The following ANKS1B variants were observed in gnomAD, a reference collection of about 807,000 sequenced individuals.
ANKS1B encodes ankyrin repeat and sterile alpha motif domain-containing protein 1B.
Under a neutral mutation model 148.3 loss-of-function variants are expected in ANKS1B, and 36 were observed. That is an observed-to-expected ratio of 0.24 (90% CI 0.19 to 0.32). The LOEUF is 0.32. ANKS1B is among the 10% of genes least tolerant of loss of function. ANKS1B has a pLI of 1.00. For missense variants in ANKS1B, 1,157 were observed against 1,542.6 expected, an observed-to-expected ratio of 0.75 and a Z score of 4.19; for synonymous variants, 542 against 560.8, an observed-to-expected ratio of 0.97 and a Z score of 0.47.
intron 10 of ANKS1B, among the ~76,000 whole-genome samples, chr12:99,479,001 T>A (rs2096369410): frequency 6.6e-6 from 1 of 151,978 alleles, no homozygotes; most frequent in Non-Finnish European, 1.5e-5. Context: ...AAAACAAAAA[T>A]TACTAATAAA....
chr12:99,232,200 C>T (rs1029009381), intron 14 of ANKS1B, among the ~76,000 whole-genome samples: 2 of 152,076 alleles, frequency 1.3e-5, no homozygotes, highest in Admixed American at 6.6e-5. Context: ...AATAAAATTC[C>T]TTAGGAATTA....
At chr12:99,489,925 AT>A (rs1407822670) in intron 10 of ANKS1B, among the ~76,000 whole-genome samples, 4 of 152,216 alleles carry the variant, frequency 2.6e-5, no homozygotes, top group Admixed American at 6.5e-5. Context: ...TTTTCTCTGG[AT>A]TCTGCATATA....
At chr12:99,693,842 G>A (rs985853985) in intron 8 of ANKS1B, among the ~76,000 whole-genome samples, 19 of 148,878 alleles carry the variant, frequency 1.3e-4, no homozygotes, top group Admixed American at 8.7e-4. Context: ...GTGCAGTGGC[G>A]CGATCTCAGC....
chr12:99,371,579 CAT>C (rs1251217762), intron 12 of ANKS1B, among the ~76,000 whole-genome samples: 1 of 151,920 alleles, frequency 6.6e-6, no homozygotes, highest in East Asian at 1.9e-4. Flanking sequence ...CACACACACA[CAT>C]ATACATACTG....
chr12:98,861,980 C>T (rs1308810049), intron 17 of ANKS1B, among the ~76,000 whole-genome samples: 2 of 152,058 alleles, frequency 1.3e-5, no homozygotes, highest in African/African-American at 2.4e-5. Context: ...CTTCCTGTTT[C>T]CATATGTTTA....
chr12:99,539,153 T>C (rs2097101240), intron 9 of ANKS1B, among the ~76,000 whole-genome samples: 1 of 152,096 alleles, frequency 6.6e-6, no homozygotes, highest in African/African-American at 2.4e-5. Flanking sequence ...GAAAAGACAG[T>C]AAACAGTAAT....
intron 12 of ANKS1B, among the ~76,000 whole-genome samples, chr12:99,280,885 T>A (rs113012371): frequency 3.4e-4 from 51 of 150,042 alleles, no homozygotes; most frequent in South Asian, 1.5e-3. Flanking sequence ...TCTCTCTCTC[T>A]CACACACACA....
intron 17 of ANKS1B, among the ~76,000 whole-genome samples, chr12:98,899,418 A>C (rs1261465932): frequency 2.0e-5 from 3 of 152,206 alleles, no homozygotes; most frequent in Admixed American, 1.3e-4. Flanking sequence ...CCATTTACTC[A>C]ATCAAAGACT....
intron 12 of ANKS1B, among the ~76,000 whole-genome samples, chr12:99,367,815 AG>A (rs2092856947): frequency 6.6e-6 from 1 of 150,386 alleles, no homozygotes; most frequent in Admixed American, 6.6e-5. Flanking sequence ...TGTTGTAAAA[AG>A]AAAATTCTTA....
At chr12:99,512,142 T>C (rs2096772774) in intron 9 of ANKS1B, among the ~76,000 whole-genome samples, 1 of 151,846 alleles carries the variant, frequency 6.6e-6, no homozygotes, top group Non-Finnish European at 1.5e-5. Flanking sequence ...CAGAGTGGGA[T>C]AAAATTTTTG....
Position 99,303,007 on chromosome 12 carries a change from T to C in ANKS1B, c.1757-56143A>G, listed in dbSNP as rs927284046. Among the ~76,000 whole-genome samples the C allele has an allele frequency of 3.9e-5, 6 of 152,208 alleles. No individual in the cohort carries two copies. In the South Asian group the frequency reaches 8.3e-4, roughly 21 times the overall value. ...AGTTCAAATGTTGGCTTTTATGAAA[T>C]GTGCACAAGGGCCACCTCATGATTA... On this transcript the variant is annotated intron_variant, in intron 12 of 26. Transcript: ENST00000683438.
intron 15 of ANKS1B, among the ~76,000 whole-genome samples, chr12:99,100,486 G>A (rs1450082447): frequency 6.6e-6 from 1 of 152,210 alleles, no homozygotes; most frequent in Non-Finnish European, 1.5e-5. Flanking sequence ...AGTCACTGGG[G>A]GAGGGGTAAG....
At chr12:99,258,419 G>T (rs547588759) in intron 12 of ANKS1B, among the ~76,000 whole-genome samples, 1 of 151,718 alleles carries the variant, frequency 6.6e-6, no homozygotes, top group South Asian at 2.1e-4. Flanking sequence ...AGTAGTCTAT[G>T]ATCTTCATTT....
chr12:99,018,770 C>A (rs1243009801), intron 17 of ANKS1B, among the ~76,000 whole-genome samples: 2 of 152,056 alleles, frequency 1.3e-5, no homozygotes, highest in African/African-American at 2.4e-5. Context: ...TGGTGAAACC[C>A]CATCTCTACT....
At chr12:99,590,046 T>TA (rs2097684066) in intron 9 of ANKS1B, among the ~76,000 whole-genome samples, 1 of 152,152 alleles carries the variant, frequency 6.6e-6, no homozygotes, top group Non-Finnish European at 1.5e-5. Flanking sequence ...AATCAAATAT[T>TA]ATGTAATCAT....
chr12:99,154,150 G>T, intron 15 of ANKS1B, 139 bp downstream of exon 15: 3 of 1,029,938 alleles, frequency 2.9e-6, no homozygotes, highest in Non-Finnish European at 2.8e-6. Flanking sequence ...CAGTCCTAAG[G>T]GCATCCAATT....
chr12:99,318,699 T>C (rs188472235), intron 12 of ANKS1B, among the ~76,000 whole-genome samples: 1 of 152,340 alleles, frequency 6.6e-6, no homozygotes, highest in African/African-American at 2.4e-5. Context: ...TAGTTATTTC[T>C]TGCCTTCTGC....
Position 99,322,849 on chromosome 12 carries a change from G to A in ANKS1B, c.1757-75985C>T, listed in dbSNP as rs75504121. Among the ~76,000 whole-genome samples the A allele has an allele frequency of 3.5e-3, 531 of 152,300 alleles. 32 individuals carry two copies. In the East Asian group the frequency reaches 0.083, roughly 24 times the overall value. On this transcript the variant is annotated intron_variant, in intron 12 of 26. Transcript: ENST00000683438. The stretch of plus-strand genomic sequence containing the variant: ...GAAGTTTTCCCCGTACCGTTCTCAC[G>A]GTAGTGAGTAAGTCTCACAAGATAT...
chr12:99,719,690 C>T (rs2057863014), intron 8 of ANKS1B, among the ~76,000 whole-genome samples: 1 of 152,120 alleles, frequency 6.6e-6, no homozygotes, highest in Non-Finnish European at 1.5e-5. Flanking sequence ...TCTGCACCAC[C>T]ATGCGAGAGG....
Sources: gnomAD v4.1 joint callset for allele counts (sites outside exome capture counted in the v4.1 genomes callset) on GRCh38, gnomAD v4.1.1 for gene constraint, MANE v1.5 for transcripts, NCBI Gene and HGNC (gene_info 2026-07-23, HGNC 2026-07-21) for gene names.